Variants in MLXIP observed in about 807,000 individuals in gnomAD.
MLXIP encodes MLX interacting protein.
A neutral mutation model predicts 87.2 loss-of-function variants in MLXIP; 30 were observed. That is an observed-to-expected ratio of 0.34 (90% CI 0.26 to 0.47). The LOEUF is 0.47. Ranked by LOEUF, MLXIP falls within the 20% of genes least tolerant of loss-of-function variation. The pLI is 1.00. For missense variants in MLXIP, 1,002 were observed against 1,240.1 expected, an observed-to-expected ratio of 0.81 and a Z score of 2.88; for synonymous variants, 530 against 514.0, an observed-to-expected ratio of 1.03 and a Z score of -0.42.
Position 122,086,693 on chromosome 12 carries a change from C to T in MLXIP, c.413+7427C>T, listed in dbSNP as rs142345545. 2.3e-3 allele frequency among the ~76,000 whole-genome samples: 345 copies of T among 152,226 alleles called. 1 individual carries two copies. The highest frequency in any genetic ancestry group is 7.6e-3 in the African/African-American group (316 of 41,544). ...TGTGTTTTTGGCAGAGTTCTCTAGCCGCGTGGATCAGGGACCCTCGTGCTG... is the reference window on the plus strand; with the variant it reads ...TGTGTTTTTGGCAGAGTTCTCTAGCTGCGTGGATCAGGGACCCTCGTGCTG... On this transcript the variant is annotated intron_variant, in intron 1 of 16. Coordinates refer to ENST00000319080, the MANE Select transcript of MLXIP (RefSeq NM_014938.6).
chr12:122,138,253 C>T lies in MLXIP; in HGVS notation c.2214C>T (p.Cys738=). ...AAAGGCGCTTCAACATCAAGATGTG[C>T]TTCGACATGCTCAACAGCCTCATCT... ...EQKRRFNIKM[C]FDMLNSLISN... The change falls in exon 13 of 17, where the codon TGC becomes TGT. Residue 738 remains cysteine, a synonymous_variant. Coordinates refer to ENST00000319080, the MANE Select transcript of MLXIP (RefSeq NM_014938.6). 6.2e-7 allele frequency: 1 copy of T among 1,613,310 alleles called. No individual in the cohort carries two copies. Among genetic ancestry groups the T allele is most frequent in the Admixed American group, 1.7e-5 (1 of 59,908 alleles).
intron 11 of MLXIP, chr12:122,136,011 A>G (rs1339902700): frequency 3.0e-5 from 7 of 234,994 alleles, no homozygotes; most frequent in Admixed American, 5.0e-5. Flanking sequence ...CTCTGGGAGC[A>G]TCAGCCTGGG....
At chr12:122,115,840 G>A (rs916179324) in intron 1 of MLXIP, among the ~76,000 whole-genome samples, 1 of 152,064 alleles carries the variant, frequency 6.6e-6, no homozygotes, top group Non-Finnish European at 1.5e-5. Flanking sequence ...ATCACCTGAG[G>A]TCAGGAGTTC....
At chr12:122,112,028 C>G (rs1472934306) in intron 1 of MLXIP, among the ~76,000 whole-genome samples, 1 of 152,126 alleles carries the variant, frequency 6.6e-6, no homozygotes, top group Non-Finnish European at 1.5e-5. Flanking sequence ...GAATAGTAGG[C>G]AAGAATTCTA....
chr12:122,135,951 AGCT>A lies in MLXIP; in HGVS notation c.2032+290_2032+292del. 1 of 367,504 alleles carries A rather than the reference AGCT, an allele frequency of 2.7e-6. No individual in the cohort carries two copies. The allele number at this position is 367,504 out of a possible 1,614,324, so 22.8% of individuals were successfully genotyped here. A position where few individuals can be genotyped will look rare whatever the true frequency, so the allele number is the denominator to read the frequency against. On this transcript the variant is annotated intron_variant, in intron 11 of 16. Transcript: ENST00000319080. The surrounding 1 kb of genome is among the most constrained non-coding windows in gnomAD (Gnocchi z 5.3). ...GACTGCCCACGAAGGCCTGGTACTG[AGCT>A]GCTGATCTCACCCAGAGAAGGGATT...
Position 122,144,963 on chromosome 12 carries a change from G to C in MLXIP, c.*3151G>C, listed in dbSNP as rs1296901653. 1 of 152,256 alleles carries C rather than the reference G, an allele frequency of 6.6e-6. No homozygotes were observed. The allele number at this position is 152,256 out of a possible 1,614,324, so 9.4% of individuals were successfully genotyped here. A position where few individuals can be genotyped will look rare whatever the true frequency, so the allele number is the denominator to read the frequency against. Reference sequence around the variant, plus strand: ...CCTGCTGGCGTATAAATCCCTGGGCGGGTTTCTGATAAATTGCCCTGTGCT... The same window carrying C: ...CCTGCTGGCGTATAAATCCCTGGGCCGGTTTCTGATAAATTGCCCTGTGCT... On this transcript the variant is annotated 3_prime_UTR_variant, in exon 17 of 17. Transcript: ENST00000319080.
intron 16 of MLXIP, 23 bp downstream of exon 16, chr12:122,141,106 G>C: frequency 1.3e-6 from 2 of 1,596,694 alleles, no homozygotes; most frequent in Non-Finnish European, 1.7e-6. Context: ...GTGCCAGGGT[G>C]GGGGGCTTCA....
intron 1 of MLXIP, among the ~76,000 whole-genome samples, chr12:122,094,055 G>A (rs1428502643): frequency 1.4e-5 from 2 of 143,238 alleles, no homozygotes; most frequent in East Asian, 2.2e-4. Context: ...GGTGTGTGTG[G>A]TGGGTTTGCG....
intron 1 of MLXIP, among the ~76,000 whole-genome samples, chr12:122,110,960 C>T (rs1292827938): frequency 2.0e-5 from 3 of 151,434 alleles, no homozygotes; most frequent in African/African-American, 7.3e-5. Flanking sequence ...GCCTGTAGTC[C>T]CAGCTACTCA....
intron 1 of MLXIP, among the ~76,000 whole-genome samples, chr12:122,115,996 A>T (rs959550648): frequency 2.6e-5 from 4 of 152,048 alleles, no homozygotes; most frequent in Non-Finnish European, 5.9e-5. Flanking sequence ...GGTTGCAGTG[A>T]GCCAAGATCA....
chr12:122,142,450 A>C lies in MLXIP; in HGVS notation c.*638A>C, dbSNP rs1037354959. On this transcript the variant is annotated 3_prime_UTR_variant, in exon 17 of 17. Transcript: ENST00000319080. ...TGCAGAAACGGTGGATGTGGAACAC[A>C]CAGGACCAGAATGGAAGCGTGTGAT... 26 of 399,336 alleles carry C rather than the reference A, an allele frequency of 6.5e-5. No homozygotes were observed. Among genetic ancestry groups the C allele is most frequent in the Non-Finnish European group, 1.2e-4 (25 of 201,244 alleles). The allele number at this position is 399,336 out of a possible 1,614,324, so 24.7% of individuals were successfully genotyped here.
chr12:122,096,359 C>T (rs1222045754), intron 1 of MLXIP, among the ~76,000 whole-genome samples: 2 of 151,696 alleles, frequency 1.3e-5, no homozygotes, highest in Non-Finnish European at 2.9e-5. Flanking sequence ...ATAACGCCTC[C>T]CATGTTTCTA....
In MLXIP at chr12:122,141,050, G is replaced by A; in HGVS notation, c.2605G>A (p.Asp869Asn). 1 of 1,613,066 alleles carries A rather than the reference G, an allele frequency of 6.2e-7. No individual in the cohort carries two copies. The highest frequency in any genetic ancestry group is 8.5e-7 in the Non-Finnish European group (1 of 1,179,854). The part of the protein sequence containing the change: ...ELHRTALSWL[D>N]QHCSLPILRP... ...GCACCGGACGGCGCTCTCCTGGCTG[G>A]ACCAGCACTGCTCCCTGCCCATCCT... The change falls in exon 16 of 17, where the codon GAC (aspartate) becomes AAC (asparagine). Residue 869 changes from aspartate to asparagine, a missense_variant. Asp to Asn is a conservative substitution (Grantham distance 23). Coordinates refer to ENST00000319080, the MANE Select transcript of MLXIP (RefSeq NM_014938.6).
intron 1 of MLXIP, among the ~76,000 whole-genome samples, chr12:122,107,071 C>G (rs1952532646): frequency 6.6e-6 from 1 of 152,190 alleles, no homozygotes; most frequent in Non-Finnish European, 1.5e-5. Context: ...GTGTTCTCCT[C>G]TGTCTGTCGC....
chr12:122,084,232 T>C (rs1952133620), intron 1 of MLXIP, among the ~76,000 whole-genome samples: 1 of 151,472 alleles, frequency 6.6e-6, no homozygotes, highest in South Asian at 2.1e-4. Flanking sequence ...TTTCCTGACA[T>C]CAGGCTTCAA....
At chr12:122,127,209 A>C in intron 1 of MLXIP, 47 bp from the exon 2 acceptor site, 1 of 1,468,400 alleles carries the variant, frequency 6.8e-7, no homozygotes, top group Non-Finnish European at 9.5e-7. Flanking sequence ...ATTTCACTTC[A>C]ATTTCAGAGT....
rs375673572 is a variant in MLXIP at position 122,134,304 on chromosome 12, CCTT to C, written c.1732+319_1732+321del. 1,859 of 368,748 alleles carry C rather than the reference CCTT, an allele frequency of 5.0e-3. 31 individuals carry two copies. Among genetic ancestry groups the C allele is most frequent in the African/African-American group, 0.035 (1,649 of 47,328 alleles). 22.8% of individuals were successfully genotyped at this position (368,748 alleles called of 1,614,324 possible). A position where few individuals can be genotyped will look rare whatever the true frequency, so the allele number is the denominator to read the frequency against. Reference sequence around the variant, plus strand: ...CCCCCTCCCGGGTTCAAGCGATTCTCCTTCGTCAGCCTCCCGAGTAGTTGGGAT... The same window carrying C: ...CCCCCTCCCGGGTTCAAGCGATTCTCCGTCAGCCTCCCGAGTAGTTGGGAT... On this transcript the variant is annotated intron_variant, in intron 9 of 16. Transcript: ENST00000319080.
chr12:122,096,983 C>G (rs915749998), intron 1 of MLXIP, among the ~76,000 whole-genome samples: 1 of 152,190 alleles, frequency 6.6e-6, no homozygotes, highest in Non-Finnish European at 1.5e-5. Context: ...ACTCAACGCT[C>G]TGAAAAATGA....
Position 122,143,189 on chromosome 12 carries a change from T to G in MLXIP, c.*1377T>G, listed in dbSNP as rs986848674. The G allele has an allele frequency of 1.3e-5, 2 of 152,550 alleles. No homozygotes were observed. Among genetic ancestry groups the G allele is most frequent in the Non-Finnish European group, 2.9e-5 (2 of 68,196 alleles). The allele number at this position is 152,550 out of a possible 1,614,324, so 9.4% of individuals were successfully genotyped here. ...CCTCCCTGCCTCTCCTCACCCTCCC[T>G]CTCTTCCTGCAGGGCCTGGGAAGGG... On this transcript the variant is annotated 3_prime_UTR_variant, in exon 17 of 17. Transcript: ENST00000319080.
Sources: gnomAD v4.1 joint callset for allele counts (sites outside exome capture counted in the v4.1 genomes callset) on GRCh38, gnomAD v4.1.1 for gene constraint, Gnocchi (gnomAD v3.1) non-coding constraint, MANE v1.5 for transcripts, NCBI Gene and HGNC (gene_info 2026-07-23, HGNC 2026-07-21) for gene names.